The following RUFY1 variants were observed in gnomAD, a reference collection of about 807,000 sequenced individuals.
The protein encoded by RUFY1 is RUN and FYVE domain containing 1, also known as RUN and FYVE domain-containing protein 1.
RUFY1 carries 54 observed loss-of-function variants against 94.6 expected under a neutral mutation model. The observed-to-expected ratio is 0.57, with a 90% confidence interval of 0.46 to 0.72. The LOEUF (loss-of-function observed/expected upper bound fraction) is 0.72, where lower values mean the gene tolerates loss of function less well. Ranked by LOEUF, RUFY1 falls within the 30% of genes least tolerant of loss-of-function variation. The pLI is 0.00. For missense variants in RUFY1, 883 were observed against 883.9 expected (o/e 1.00, Z 0.01); for synonymous variants, 396 against 347.3 (o/e 1.14, Z -1.56).
At chr5:179,589,464 T>G in intron 8 of RUFY1, 82 bp from the exon 9 acceptor site, 2 of 880,954 alleles carry the variant, frequency 2.3e-6, no homozygotes, top group South Asian at 2.8e-5. Flanking sequence ...TTGTCAACTG[T>G]GAAGATGCCA....
At position 179,591,737 on chromosome 5, in the gene RUFY1, G is replaced by A. The variant is rs898991577; in HGVS notation, c.1241G>A (p.Arg414Gln). ...WKQLKEEKKVRLELEKELELQ... is the reference protein window; with the variant it reads ...WKQLKEEKKVQLELEKELELQ... ...CAGCTAAAAGAGGAGAAGAAAGTCC[G>A]GTTGGTGAGTGTGCAAGACCGAGTG... is the stretch of plus-strand genomic sequence containing the variant. Residue 414 changes from arginine to glutamine, a missense_variant, in exon 10 of 18, where the codon CGG becomes CAG. Arg to Gln is a conservative substitution (Grantham distance 43). Coordinates refer to ENST00000319449, the MANE Select transcript of RUFY1 (RefSeq NM_025158.5). The A allele has an allele frequency of 2.1e-5, 33 of 1,588,112 alleles. No individual in the cohort carries two copies. The highest frequency in any genetic ancestry group is 4.5e-5 in the South Asian group (4 of 89,084).
At chr5:179,572,566 C>T in intron 5 of RUFY1, 1 of 231,400 alleles carries the variant, frequency 4.3e-6, no homozygotes, top group Non-Finnish European at 9.1e-6. Context: ...GTGACTTTTG[C>T]CAGATCACTG....
chr5:179,604,990 AAAAAAG>A (rs1766901138), intron 15 of RUFY1, among the ~76,000 whole-genome samples: 1 of 150,196 alleles, frequency 6.7e-6, no homozygotes, highest in East Asian at 2.0e-4. Flanking sequence ...TCTCAAAAAA[AAAAAAG>A]AAAAAAAGAA....
chr5:179,596,072 A>G (rs1453540451), intron 12 of RUFY1: 1 of 175,648 alleles, frequency 5.7e-6, no homozygotes, highest in African/African-American at 2.4e-5. Context: ...ATAACTGCCA[A>G]AAGCTAGAAG....
intron 1 of RUFY1, 66 bp from the exon 2 acceptor site, chr5:179,559,959 T>A (rs1471568468): frequency 1.9e-6 from 3 of 1,546,680 alleles, no homozygotes; most frequent in Non-Finnish European, 2.6e-6. Flanking sequence ...CTTCTCACCG[T>A]TGCCCGGAGT....
intron 8 of RUFY1, 170 bp from the exon 9 acceptor site, chr5:179,589,375 TC>T: frequency 1.7e-6 from 1 of 579,088 alleles, no homozygotes; most frequent in Non-Finnish European, 3.1e-6. Context: ...ACATACATTT[TC>T]ATGTCTTTGG....
intron 10 of RUFY1, among the ~76,000 whole-genome samples, 184 bp downstream of exon 10, chr5:179,591,925 C>T (rs777613700): frequency 6.6e-6 from 1 of 151,986 alleles, no homozygotes; most frequent in Non-Finnish European, 1.5e-5. Context: ...TATTTTTTCC[C>T]ATTTTATAAA....
intron 14 of RUFY1, among the ~76,000 whole-genome samples, chr5:179,600,765 C>T (rs1331108744): frequency 1.7e-5 from 2 of 121,196 alleles, no homozygotes; most frequent in Non-Finnish European, 3.2e-5. Flanking sequence ...GGTGTGATCT[C>T]GGCTCACTGC....
chr5:179,593,459 T>A lies in RUFY1; in HGVS notation c.1246-19T>A. Reference sequence around the variant, plus strand: ...GTGATCTATTTTAATAACATTTTCCTTGTAAATATCCTTTTAAGGAACTGG... The same window carrying A: ...GTGATCTATTTTAATAACATTTTCCATGTAAATATCCTTTTAAGGAACTGG... On this transcript the variant is annotated intron_variant, in intron 10 of 17. Transcript: ENST00000319449. The A allele has an allele frequency of 6.3e-7, 1 of 1,581,060 alleles. No individual in the cohort carries two copies. The highest frequency in any genetic ancestry group is 8.7e-7 in the Non-Finnish European group (1 of 1,150,042).
intron 9 of RUFY1, among the ~76,000 whole-genome samples, chr5:179,590,641 C>T (rs1297156731): frequency 6.6e-6 from 1 of 151,380 alleles, no homozygotes; most frequent in Non-Finnish European, 1.5e-5. Flanking sequence ...CCTGCTACTA[C>T]GCCCAGCTAA....
chr5:179,594,046 T>C (rs1461660435), intron 11 of RUFY1, among the ~76,000 whole-genome samples: 1 of 152,172 alleles, frequency 6.6e-6, no homozygotes, highest in Non-Finnish European at 1.5e-5. Flanking sequence ...GGCTCACGCT[T>C]GTAATCCCAG....
Position 179,581,018 on chromosome 5 carries a change from A to G in RUFY1, c.956+6A>G, listed in dbSNP as rs758301212. 1 of 1,586,218 alleles carries G rather than the reference A, an allele frequency of 6.3e-7. No homozygotes were observed. Among genetic ancestry groups the G allele is most frequent in the Non-Finnish European group, 8.6e-7 (1 of 1,160,204 alleles). On this transcript the variant is annotated splice_donor_region_variant and intron_variant, in intron 7 of 17. Coordinates refer to ENST00000319449, the MANE Select transcript of RUFY1 (RefSeq NM_025158.5). Reference sequence around the variant, plus strand: ...GAACTTAACCGGCACTTGAGGTAAGACTCCTTTTTTTTTCAATGTGACAGT... The same window carrying G: ...GAACTTAACCGGCACTTGAGGTAAGGCTCCTTTTTTTTTCAATGTGACAGT...
In RUFY1 at chr5:179,566,511, C is replaced by G. The variant is rs1351477580; in HGVS notation, c.603-950C>G. On this transcript the variant is annotated intron_variant, in intron 3 of 17. Coordinates refer to ENST00000319449, the MANE Select transcript of RUFY1 (RefSeq NM_025158.5). ...ATCCCAGCTACTCGGGAGGCTGAGG[C>G]AGGAGAATCACTTGAACCTGCGAGG... is the stretch of plus-strand genomic sequence containing the variant. Among the ~76,000 whole-genome samples, 3 of 151,414 alleles carry G rather than the reference C, an allele frequency of 2.0e-5. No individual in the cohort carries two copies. In the East Asian group the frequency reaches 5.8e-4, roughly 29 times the overall value.
At position 179,585,813 on chromosome 5, in the gene RUFY1, T is replaced by C; in HGVS notation, c.974T>C (p.Leu325Pro). The change falls in exon 8 of 18, where the codon CTT becomes CCT. Residue 325 changes from leucine to proline, a missense_variant. Transcript: ENST00000319449. ...NRHLSCTVGD[L>P]QTKIDGLEKT... ...TTCTACAGCTGCACAGTTGGGGATCTTCAAACCAAGATAGATGGCTTGGAA... is the reference window on the plus strand; with the variant it reads ...TTCTACAGCTGCACAGTTGGGGATCCTCAAACCAAGATAGATGGCTTGGAA... 6.2e-7 allele frequency: 1 copy of C among 1,613,500 alleles called. No homozygotes were observed. Among genetic ancestry groups the C allele is most frequent in the Non-Finnish European group, 8.5e-7 (1 of 1,179,382 alleles).
At chr5:179,553,706 C>T (rs1761970994) in intron 1 of RUFY1, among the ~76,000 whole-genome samples, 1 of 152,138 alleles carries the variant, frequency 6.6e-6, no homozygotes, top group Admixed American at 6.6e-5. Flanking sequence ...AGGAGAATTG[C>T]TTGAACATAA....
intron 15 of RUFY1, among the ~76,000 whole-genome samples, chr5:179,603,066 G>A (rs1474293589): frequency 2.0e-5 from 3 of 152,000 alleles, no homozygotes; most frequent in Admixed American, 1.3e-4. Context: ...TCAGGAGTTC[G>A]AGACCAGCCT....
intron 1 of RUFY1, among the ~76,000 whole-genome samples, chr5:179,553,721 C>T (rs972773946): frequency 1.3e-5 from 2 of 152,026 alleles, no homozygotes; most frequent in South Asian, 2.1e-4. Context: ...ACATAAGAGG[C>T]GGAGTTTGCA....
At chr5:179,608,515 G>T (rs1767346923) in intron 17 of RUFY1, 1 of 985,386 alleles carries the variant, frequency 1.0e-6, no homozygotes, top group Admixed American at 6.2e-5. Flanking sequence ...GTTTAGAAAG[G>T]GATCTACTCC....
At chr5:179,561,095 C>T (rs1762418307) in intron 2 of RUFY1, among the ~76,000 whole-genome samples, 1 of 152,200 alleles carries the variant, frequency 6.6e-6, no homozygotes, top group East Asian at 1.9e-4. Flanking sequence ...CCTGTAATCC[C>T]AGCTACTCGA....
Sources: allele counts gnomAD v4.1 joint callset (sites outside exome capture counted in the v4.1 genomes callset), GRCh38; gene constraint gnomAD v4.1.1; transcripts MANE v1.5; gene names NCBI Gene and HGNC (gene_info 2026-07-23, HGNC 2026-07-21).